Variants in KAT6A observed in about 807,000 individuals in gnomAD.
KAT6A encodes the protein histone acetyltransferase KAT6A.
In KAT6A, 9 loss-of-function variants were observed where a neutral mutation model predicts 198.4. That is an observed-to-expected ratio of 0.05 (90% CI 0.03 to 0.08). The LOEUF is 0.08. KAT6A is among the 10% of genes least tolerant of loss of function. The pLI is 1.00. For synonymous variants in KAT6A, 890 were observed against 883.0 expected, an observed-to-expected ratio of 1.01 and a Z score of -0.14; for missense variants, 2,077 against 2,509.9, an observed-to-expected ratio of 0.83 and a Z score of 3.69.
chr8:41,944,423 T>C lies in KAT6A; in HGVS notation c.1997-444A>G, dbSNP rs539240330. 1.2e-4 allele frequency among the ~76,000 whole-genome samples: 19 copies of C among 152,308 alleles called. No individual in the cohort carries two copies. The East Asian group carries it at 3.7e-3, about 29-fold the overall frequency. On this transcript the variant is annotated intron_variant, in intron 12 of 16. Transcript: ENST00000265713. Reference sequence around the variant, plus strand: ...CTGTCAGTGAATTAGATGACAATCTTTCACTTCAACCAAAACTCCTCACAA... The same window carrying C: ...CTGTCAGTGAATTAGATGACAATCTCTCACTTCAACCAAAACTCCTCACAA...
intron 2 of KAT6A, among the ~76,000 whole-genome samples, chr8:42,046,364 C>T (rs1286042048): frequency 1.3e-5 from 2 of 151,902 alleles, no homozygotes; most frequent in African/African-American, 2.4e-5. Flanking sequence ...GGTGAAACCC[C>T]GTCTCTACTA....
Position 41,931,375 on chromosome 8 carries a change from T to C in KAT6A, c.*830A>G, listed in dbSNP as rs1056063444. 1.4e-5 allele frequency: 3 copies of C among 214,674 alleles called. No homozygotes were observed. Among genetic ancestry groups the C allele is most frequent in the Non-Finnish European group, 2.8e-5 (3 of 106,126 alleles). 13.3% of individuals were successfully genotyped at this position (214,674 alleles called of 1,614,324 possible). On this transcript the variant is annotated 3_prime_UTR_variant, in exon 17 of 17. Transcript: ENST00000265713. The stretch of plus-strand genomic sequence containing the variant: ...ATCTCTATTCCTCCAAAGGCTGGAT[T>C]TGGATTGCAAACAGCTTTTCTCTGA...
intron 2 of KAT6A, among the ~76,000 whole-genome samples, chr8:42,046,406 C>T (rs1379287819): frequency 6.6e-6 from 1 of 152,066 alleles, no homozygotes; most frequent in Non-Finnish European, 1.5e-5. Context: ...CGTGGTGGTG[C>T]ATGTCTGTAA....
rs937559536 is a variant in KAT6A, at chr8:41,931,369, C to G, written c.*836G>C. 4.7e-6 allele frequency: 1 copy of G among 215,024 alleles called. No homozygotes were observed. The highest frequency in any genetic ancestry group is 2.3e-5 in the African/African-American group (1 of 44,234). The allele number at this position is 215,024 out of a possible 1,614,324, so 13.3% of individuals were successfully genotyped here. On this transcript the variant is annotated 3_prime_UTR_variant, in exon 17 of 17. Transcript: ENST00000265713. ...TTGACCATCTCTATTCCTCCAAAGG[C>G]TGGATTTGGATTGCAAACAGCTTTT...
At chr8:42,027,612 T>C (rs1826889229) in intron 2 of KAT6A, among the ~76,000 whole-genome samples, 1 of 152,156 alleles carries the variant, frequency 6.6e-6, no homozygotes, top group Non-Finnish European at 1.5e-5. Context: ...TGACGATCCT[T>C]TGTACTTCTG....
intron 2 of KAT6A, among the ~76,000 whole-genome samples, chr8:42,026,491 G>A (rs1826819363): frequency 6.6e-6 from 1 of 151,756 alleles, no homozygotes; most frequent in African/African-American, 2.4e-5. Context: ...CCACCTCCTT[G>A]GTTAAATTTA....
At chr8:42,013,422 T>C (rs760588893) in intron 2 of KAT6A, among the ~76,000 whole-genome samples, 16 of 152,088 alleles carry the variant, frequency 1.1e-4, no homozygotes, top group Non-Finnish European at 2.1e-4. Context: ...TTTAGTAGAG[T>C]TGGGGTTTCA....
At chr8:41,967,164 T>C (rs1183387007) in intron 8 of KAT6A, among the ~76,000 whole-genome samples, 1 of 152,098 alleles carries the variant, frequency 6.6e-6, no homozygotes, top group East Asian at 1.9e-4. Flanking sequence ...GAAAATACAA[T>C]GTGCTCTTTG....
chr8:42,002,613 T>A lies in KAT6A; in HGVS notation c.601-15050A>T, dbSNP rs58117826. Among the ~76,000 whole-genome samples, 4 of 152,144 alleles carry A rather than the reference T, an allele frequency of 2.6e-5. No homozygotes were observed. In the East Asian group the frequency reaches 7.7e-4, roughly 29 times the overall value. ...CAAAACAAAACAAAAAACCCACACA[T>A]AAACACAGACGAGTCCACAGCAGGA... On this transcript the variant is annotated intron_variant, in intron 2 of 16. Transcript: ENST00000265713.
intron 2 of KAT6A, among the ~76,000 whole-genome samples, chr8:42,000,061 G>A (rs924412187): frequency 6.6e-6 from 1 of 152,030 alleles, no homozygotes; most frequent in Non-Finnish European, 1.5e-5. Context: ...CCTGAAATAG[G>A]CAAGTTCATT....
chr8:41,937,809 C>T (rs908039452), intron 15 of KAT6A, among the ~76,000 whole-genome samples: 4 of 152,186 alleles, frequency 2.6e-5, no homozygotes, highest in Non-Finnish European at 4.4e-5. Flanking sequence ...CTCCAAATAG[C>T]AGACATTATA....
intron 8 of KAT6A, among the ~76,000 whole-genome samples, chr8:41,963,333 G>A (rs1823300195): frequency 1.3e-5 from 2 of 152,252 alleles, no homozygotes; most frequent in South Asian, 4.2e-4. Context: ...CTCCACTTTA[G>A]ATTTCACACA....
At chr8:41,971,873 G>A (rs1009963801) in intron 8 of KAT6A, among the ~76,000 whole-genome samples, 2 of 151,528 alleles carry the variant, frequency 1.3e-5, no homozygotes, top group African/African-American at 4.8e-5. Flanking sequence ...ATTTGCTGAT[G>A]GACTGAATGT....
intron 8 of KAT6A, among the ~76,000 whole-genome samples, chr8:41,964,627 GAAAAAAAAA>G (rs61710510): frequency 7.6e-6 from 1 of 130,922 alleles, no homozygotes; most frequent in African/African-American, 2.7e-5. Flanking sequence ...TCCAAAATCT[GAAAAAAAAA>G]AAAAAAAAAA....
intron 9 of KAT6A, 60 bp downstream of exon 9, chr8:41,955,236 T>C: frequency 9.7e-7 from 1 of 1,026,994 alleles, no homozygotes; most frequent in Non-Finnish European, 1.5e-6. Context: ...TCAAGATCCC[T>C]TCCAGTTCCA....
At chr8:41,960,233 T>C (rs1384167129) in intron 8 of KAT6A, among the ~76,000 whole-genome samples, 2 of 152,060 alleles carry the variant, frequency 1.3e-5, no homozygotes, top group Non-Finnish European at 2.9e-5. Context: ...ATGATGGTGA[T>C]GATTGCACAA....
chr8:41,995,168 T>A (rs971054667), intron 2 of KAT6A, among the ~76,000 whole-genome samples: 3 of 151,982 alleles, frequency 2.0e-5, no homozygotes, highest in African/African-American at 7.2e-5. Flanking sequence ...ATAATAAGAG[T>A]ACCTTACATA....
chr8:42,048,723 A>G lies in KAT6A; in HGVS notation c.255T>C (p.Pro85=). 1 of 1,614,158 alleles carries G rather than the reference A, an allele frequency of 6.2e-7. No homozygotes were observed. Among genetic ancestry groups the G allele is most frequent in the Non-Finnish European group, 8.5e-7 (1 of 1,180,026 alleles). ...DNPGRIALPK[P]RNHGKLDNKQ... ...TATTATCCAATTTTCCATGGTTCCG[A>G]GGCTTAGGAAGTGCTATTCGCCCAG... The change falls in exon 2 of 17, where the codon CCT becomes CCC. Residue 85 remains proline, a synonymous_variant. Coordinates refer to ENST00000265713, the MANE Select transcript of KAT6A (RefSeq NM_006766.5).
intron 8 of KAT6A, among the ~76,000 whole-genome samples, chr8:41,964,316 T>C (rs72640393): frequency 3.3e-5 from 5 of 152,320 alleles, no homozygotes; most frequent in Admixed American, 6.5e-5. Flanking sequence ...TATAGTATTT[T>C]ACATATAATA....
Sources: gnomAD v4.1 joint callset for allele counts (sites outside exome capture counted in the v4.1 genomes callset) on GRCh38, gnomAD v4.1.1 for gene constraint, MANE v1.5 for transcripts, NCBI Gene and HGNC (gene_info 2026-07-23, HGNC 2026-07-21) for gene names.